Variants in RSPH10B2 observed in about 807,000 individuals in gnomAD.
The protein encoded by RSPH10B2 is radial spoke head 10 homolog B2 (Chlamydomonas).
A neutral mutation model predicts 49.0 loss-of-function variants in RSPH10B2; 9 were observed. The ratio of observed to expected loss-of-function variants is 0.18; its 90% CI spans 0.11 to 0.32. The LOEUF is 0.32. Ranked by LOEUF, RSPH10B2 falls within the 10% of genes least tolerant of loss-of-function variation. The probability of loss-of-function intolerance (pLI) is 1.00; values close to 1 mark genes in which losing one functional copy is unlikely to be tolerated. For synonymous variants in RSPH10B2, 35 were observed against 210.2 expected (o/e 0.17, Z 7.21); for missense variants, 95 against 589.9 (o/e 0.16, Z 8.69).
intron 18 of RSPH10B2, among the ~76,000 whole-genome samples, chr7:6,797,735 G>A (rs1276850367): frequency 3.3e-5 from 5 of 149,854 alleles, no homozygotes; most frequent in Non-Finnish European, 5.9e-5. Flanking sequence ...GGCGCCTGTA[G>A]TCCCAGCTAC....
At position 6,780,919 on chromosome 7, in the gene RSPH10B2, C is replaced by G. The variant is rs1194683487; in HGVS notation, c.1609+31C>G. 4.3e-6 allele frequency: 6 copies of G among 1,411,478 alleles called. 1 individual carries two copies. The highest frequency in any genetic ancestry group is 5.6e-6 in the Non-Finnish European group (6 of 1,067,882). The allele number at this position is 1,411,478 out of a possible 1,614,324, so 87.4% of individuals were successfully genotyped here. A position where few individuals can be genotyped will look rare whatever the true frequency, so the allele number is the denominator to read the frequency against. On this transcript the variant is annotated intron_variant, in intron 12 of 18. Coordinates refer to ENST00000297186, the Ensembl canonical transcript of RSPH10B2. ...TACAAAACCAATAGGATTCTATTTA[C>G]CGCCCCATTTTTTTTTCTCAAAATA...
At position 6,781,187 on chromosome 7, in the gene RSPH10B2, A is replaced by T. The variant is rs1781921002; in HGVS notation, c.1610-141A>T. 2.2e-5 allele frequency: 16 copies of T among 741,016 alleles called. 4 individuals are homozygous for T. The highest frequency in any genetic ancestry group is 3.0e-5 in the Non-Finnish European group (16 of 527,254). 45.9% of individuals were successfully genotyped at this position (741,016 alleles called of 1,614,324 possible). A position where few individuals can be genotyped will look rare whatever the true frequency, so the allele number is the denominator to read the frequency against. ...TGGGGGGCGGAGGTTGCAGCGAGCC[A>T]AGATGGTGCCACTGCACTCTAGCCT... On this transcript the variant is annotated intron_variant, in intron 12 of 18. Coordinates refer to ENST00000297186, the Ensembl canonical transcript of RSPH10B2.
Position 6,796,771 on chromosome 7 carries a change from C to A in RSPH10B2, c.2432+5C>A. 1.7e-5 allele frequency: 21 copies of A among 1,251,080 alleles called. 4 individuals are homozygous for A. Among genetic ancestry groups the A allele is most frequent in the Non-Finnish European group, 2.1e-5 (20 of 953,990 alleles). The allele number at this position is 1,251,080 out of a possible 1,614,324, so 77.5% of individuals were successfully genotyped here. A position where few individuals can be genotyped will look rare whatever the true frequency, so the allele number is the denominator to read the frequency against. Reference sequence around the variant, plus strand: ...AGATGACGAACTGGAAGCAAGGTAACTTACGAGGTCCCTCCTCTCCTTCCC... The same window carrying A: ...AGATGACGAACTGGAAGCAAGGTAAATTACGAGGTCCCTCCTCTCCTTCCC... On this transcript the variant is annotated splice_donor_5th_base_variant and intron_variant, in intron 18 of 18. Coordinates refer to ENST00000297186, the Ensembl canonical transcript of RSPH10B2.
intron 17 of RSPH10B2, among the ~76,000 whole-genome samples, chr7:6,795,851 C>T (rs1782532312): frequency 6.7e-6 from 1 of 148,352 alleles, no homozygotes; most frequent in Admixed American, 6.7e-5. Flanking sequence ...ATCACTTGAG[C>T]CCAGGAGTTC....
chr7:6,794,113 A>G (rs1339197893), intron 17 of RSPH10B2: 15 of 154,318 alleles, frequency 9.7e-5, no homozygotes, highest in African/African-American at 3.3e-4. Flanking sequence ...GGCTGTGTAC[A>G]TGCTCACCTT....
intron 17 of RSPH10B2, among the ~76,000 whole-genome samples, chr7:6,793,867 A>G (rs1298961629): frequency 6.6e-6 from 1 of 151,056 alleles, no homozygotes; most frequent in Admixed American, 6.7e-5. Flanking sequence ...AAAAAAGGAA[A>G]ATCTCTTCTC....
At chr7:6,780,620 A>G (rs1583518070) in intron 11 of RSPH10B2, among the ~76,000 whole-genome samples, 189 bp from the exon 14 acceptor site, 2 of 117,114 alleles carry the variant, frequency 1.7e-5, no homozygotes, top group Non-Finnish European at 1.8e-5. Flanking sequence ...CCTGACCTCG[A>G]GTGATCCGCC....
intron 18 of RSPH10B2, among the ~76,000 whole-genome samples, chr7:6,797,516 A>G (rs1173310923): frequency 2.0e-5 from 3 of 152,200 alleles, no homozygotes; most frequent in African/African-American, 7.2e-5. Context: ...ATTGAGTTCA[A>G]TAACTAATAG....
At chr7:6,756,150 G>C (rs1186846878), upstream of RSPH10B2, among the ~76,000 whole-genome samples, 1 of 143,962 alleles carries the variant, frequency 6.9e-6, no homozygotes, top group Non-Finnish European at 1.5e-5. Context: ...GGTGCCTGTA[G>C]TCCCAGCTAC....
chr7:6,779,912 ATTC>A (rs947859912), intron 11 of RSPH10B2, among the ~76,000 whole-genome samples, 188 bp downstream of exon 13: 2 of 130,756 alleles, frequency 1.5e-5, no homozygotes, highest in Admixed American at 8.1e-5. Context: ...GGTTCAAGCA[ATTC>A]TTCTGCCTCG....
chr7:6,779,974 A>ATTTTTTTTT (rs769877980), intron 11 of RSPH10B2, among the ~76,000 whole-genome samples: 16 of 110,062 alleles, frequency 1.5e-4, no homozygotes, highest in Non-Finnish European at 2.1e-4. Context: ...TGCCTGGCTA[A>ATTTTTTTTT]TTTTTTTTTT....
rs1239431623 is a variant in RSPH10B2 at position 6,798,235 on chromosome 7, TAC to T, written c.2433-126_2433-125del. 2.5e-5 allele frequency: 5 copies of T among 202,396 alleles called. 1 individual carries two copies. Among genetic ancestry groups the T allele is most frequent in the African/African-American group, 2.4e-4 (3 of 12,558 alleles). 12.5% of individuals were successfully genotyped at this position (202,396 alleles called of 1,614,324 possible). A position where few individuals can be genotyped will look rare whatever the true frequency, so the allele number is the denominator to read the frequency against. ...TTATTTCAGGCAGAGTGTAGCAACT[TAC>T]AGTTTTGTTTACACATGCTGTTGAA... On this transcript the variant is annotated intron_variant, in intron 18 of 18. Transcript: ENST00000297186.
At chr7:6,764,711 TG>T (rs1195453243) in intron 4 of RSPH10B2, among the ~76,000 whole-genome samples, 34 of 13,460 alleles carry the variant, frequency 2.5e-3, no homozygotes, top group African/African-American at 5.1e-3. Context: ...GTTGTTGTTG[TG>T]TGTGTGTGTG....
At chr7:6,777,064 GT>G (rs1435938452) in intron 10 of RSPH10B2, among the ~76,000 whole-genome samples, 1 of 42,096 alleles carries the variant, frequency 2.4e-5, no homozygotes. Context: ...GTTTTGTTTT[GT>G]TTTTTTTGAG....
chr7:6,791,462 G>C (rs1160465592), intron 16 of RSPH10B2, among the ~76,000 whole-genome samples: 3 of 147,860 alleles, frequency 2.0e-5, no homozygotes, highest in African/African-American at 7.5e-5. Context: ...TAGTCAAATT[G>C]GCTGGGTGTG....
intron 13 of RSPH10B2, among the ~76,000 whole-genome samples, chr7:6,783,324 C>T (rs1165872829): frequency 1.7e-5 from 2 of 118,200 alleles, no homozygotes; most frequent in African/African-American, 7.1e-5. Context: ...GCCACTGTGC[C>T]TGGCCTGTTC....
intron 16 of RSPH10B2, among the ~76,000 whole-genome samples, chr7:6,791,542 G>A (rs1224410328): frequency 1.0e-3 from 145 of 142,490 alleles, no homozygotes; most frequent in African/African-American, 3.6e-3. Flanking sequence ...TCAGGAGTTC[G>A]AGACCAGCCT....
At chr7:6,756,083 C>G (rs867702797), upstream of RSPH10B2, among the ~76,000 whole-genome samples, 7 of 150,328 alleles carry the variant, frequency 4.7e-5, no homozygotes, top group East Asian at 3.9e-4. Context: ...CCTGGCTAAC[C>G]CGGTGAAACC....
At chr7:6,768,247 A>G (rs1411254862) in intron 6 of RSPH10B2, among the ~76,000 whole-genome samples, 1 of 152,300 alleles carries the variant, frequency 6.6e-6, no homozygotes, top group Non-Finnish European at 1.5e-5. Flanking sequence ...AATCTTCACG[A>G]TCAAGCCAGG....
Sources: gnomAD v4.1 joint callset for allele counts (sites outside exome capture counted in the v4.1 genomes callset) on GRCh38, gnomAD v4.1.1 for gene constraint, MANE v1.5 for transcripts, NCBI Gene and HGNC (gene_info 2026-07-23, HGNC 2026-07-21) for gene names.